Variants in CCDC149 observed in about 807,000 individuals in gnomAD.
CCDC149 encodes the protein coiled-coil domain containing 149.
Under a neutral mutation model 59.9 loss-of-function variants are expected in CCDC149, and 45 were observed. That is an observed-to-expected ratio of 0.75 (90% CI 0.59 to 0.96). The LOEUF is 0.96. CCDC149 is among the 40% of genes least tolerant of loss of function. The pLI, the probability that CCDC149 is intolerant of heterozygous loss-of-function variation, is 0.00. For missense variants in CCDC149, 584 were observed against 664.7 expected, an observed-to-expected ratio of 0.88 and a Z score of 1.33; for synonymous variants, 245 against 260.6, an observed-to-expected ratio of 0.94 and a Z score of 0.58.
rs61734397 is a variant in CCDC149, at chr4:24,808,725, T to C, written c.1287A>G (p.Pro429=). 1,938 of 1,552,230 alleles carry C rather than the reference T, an allele frequency of 1.2e-3. 2 individuals carry two copies. Among genetic ancestry groups the C allele is most frequent in the Non-Finnish European group, 1.1e-3 (1,263 of 1,147,108 alleles). ...ATTGGTTCCCGCGGCTCTGATTTGC[T>C]GGGGAGTTGACAGCGGGCCTCCCAG... Residue 429 remains proline, a synonymous_variant, in exon 13 of 13, where the codon CCA becomes CCG. Coordinates refer to ENST00000635206, the MANE Select transcript of CCDC149 (RefSeq NM_001330643.2).
chr4:24,863,270 C>T (rs916940791), intron 3 of CCDC149, among the ~76,000 whole-genome samples: 11 of 152,152 alleles, frequency 7.2e-5, no homozygotes, highest in African/African-American at 1.7e-4. Context: ...CCAGCCTGGG[C>T]GACAGAGCAA....
chr4:24,874,333 C>T (rs2109242342), intron 2 of CCDC149, among the ~76,000 whole-genome samples: 1 of 140,150 alleles, frequency 7.1e-6, no homozygotes, highest in East Asian at 2.1e-4. Context: ...GTAATCTCAG[C>T]ACTTTGGGAG....
chr4:24,931,969 C>T (rs1326035447), intron 1 of CCDC149, among the ~76,000 whole-genome samples: 1 of 151,558 alleles, frequency 6.6e-6, no homozygotes, highest in Non-Finnish European at 1.5e-5. Context: ...AGTAGCTACA[C>T]TTTTTGTGTC....
At chr4:24,803,613 G>T (rs941749244), downstream of CCDC149, among the ~76,000 whole-genome samples, 1 of 152,184 alleles carries the variant, frequency 6.6e-6, no homozygotes, top group Non-Finnish European at 1.5e-5. The surrounding 1 kb of genome is among the most constrained non-coding windows in gnomAD (Gnocchi z 4.3). Context: ...TTCTGCAAAT[G>T]AATAGAAGGT....
chr4:24,922,665 A>G (rs1282285916), intron 1 of CCDC149, among the ~76,000 whole-genome samples: 1 of 152,174 alleles, frequency 6.6e-6, no homozygotes, highest in Non-Finnish European at 1.5e-5. Flanking sequence ...CTATTCTCAA[A>G]TGATGAATCC....
At chr4:24,876,795 A>G in intron 1 of CCDC149, 98 bp from the exon 2 acceptor site, 1 of 1,282,356 alleles carries the variant, frequency 7.8e-7, no homozygotes, top group Non-Finnish European at 1.1e-6. Flanking sequence ...AATTTTTGCC[A>G]TTCTCATTTT....
At chr4:24,898,796 G>A (rs983301097) in intron 1 of CCDC149, among the ~76,000 whole-genome samples, 7 of 152,168 alleles carry the variant, frequency 4.6e-5, no homozygotes, top group African/African-American at 1.7e-4. Flanking sequence ...CCCAAGGGGA[G>A]TCTGTGACAT....
chr4:24,854,968 C>T (rs1251704553), intron 3 of CCDC149, among the ~76,000 whole-genome samples: 7 of 152,158 alleles, frequency 4.6e-5, no homozygotes, highest in Non-Finnish European at 8.8e-5. Flanking sequence ...AAACCTTCCC[C>T]GGTGCTACCT....
intron 1 of CCDC149, among the ~76,000 whole-genome samples, chr4:24,887,955 C>T (rs531233405): frequency 1.3e-5 from 2 of 152,350 alleles, no homozygotes; most frequent in South Asian, 4.1e-4. Context: ...TGCCCCCACA[C>T]TCAAGCTTCT....
intron 12 of CCDC149, among the ~76,000 whole-genome samples, chr4:24,812,631 A>G (rs944757501): frequency 2.5e-4 from 38 of 152,210 alleles, no homozygotes; most frequent in African/African-American, 8.2e-4. Flanking sequence ...CCTCTGTATT[A>G]GTCTGTTTTC....
Position 24,896,224 on chromosome 4 carries a change from C to T in CCDC149, c.63+16593G>A, listed in dbSNP as rs140649714. 4.5e-3 allele frequency among the ~76,000 whole-genome samples: 681 copies of T among 152,290 alleles called. 3 individuals carry two copies. The highest frequency in any genetic ancestry group is 0.016 in the African/African-American group (655 of 41,546). On this transcript the variant is annotated intron_variant, in intron 1 of 12. Transcript: ENST00000635206. The stretch of plus-strand genomic sequence containing the variant: ...CTTTGTTTATATAATGAGGTCATTA[C>T]CACCTGCTCAGTCTAATCCACAAGC...
intron 1 of CCDC149, among the ~76,000 whole-genome samples, chr4:24,971,399 G>A (rs28803854): frequency 0.028 from 4,202 of 152,286 alleles, 167 homozygotes; most frequent in African/African-American, 0.095. Context: ...AGTAAGCCAA[G>A]GCAGGCTTCC....
chr4:24,907,157 G>C (rs975590924), intron 1 of CCDC149, among the ~76,000 whole-genome samples: 2 of 152,174 alleles, frequency 1.3e-5, no homozygotes, highest in African/African-American at 4.8e-5. Context: ...TGAGGTTCAT[G>C]CTCACTGTTC....
intron 1 of CCDC149, among the ~76,000 whole-genome samples, chr4:24,928,968 G>A (rs1394697210): frequency 6.6e-6 from 1 of 152,156 alleles, no homozygotes; most frequent in East Asian, 1.9e-4. Flanking sequence ...CATCTGCCAG[G>A]TTGCTACAGT....
intron 1 of CCDC149, among the ~76,000 whole-genome samples, chr4:24,978,514 C>T (rs189852253): frequency 8.8e-4 from 134 of 152,094 alleles, no homozygotes; most frequent in African/African-American, 3.1e-3. Flanking sequence ...AGGGATGGTT[C>T]GTTGTTGGCG....
At chr4:24,930,455 T>C (rs13113895) in intron 1 of CCDC149, among the ~76,000 whole-genome samples, 53,078 of 152,128 alleles carry the variant, frequency 0.35, 10,098 homozygotes, top group African/African-American at 0.51. Flanking sequence ...GCAGCTAGGA[T>C]TACCTTAACC....
chr4:24,852,762 A>G (rs1029988251), intron 4 of CCDC149, among the ~76,000 whole-genome samples: 30 of 152,232 alleles, frequency 2.0e-4, no homozygotes, highest in African/African-American at 6.3e-4. Flanking sequence ...GGGCGAAAGT[A>G]TAACATTTGG....
intron 9 of CCDC149, chr4:24,831,291 T>C: frequency 1.8e-6 from 1 of 552,698 alleles, no homozygotes; most frequent in South Asian, 2.1e-5. Flanking sequence ...AAGCATTCAG[T>C]ATGGCTGGTA....
chr4:24,828,317 G>A (rs1006000313), intron 9 of CCDC149: 1 of 151,338 alleles, frequency 6.6e-6, no homozygotes, highest in African/African-American at 2.4e-5. Flanking sequence ...AAATATATGA[G>A]TATGTGTATA....
Sources: allele counts gnomAD v4.1 joint callset (sites outside exome capture counted in the v4.1 genomes callset), GRCh38; gene constraint gnomAD v4.1.1; non-coding constraint Gnocchi (gnomAD v3.1); transcripts MANE v1.5; gene names NCBI Gene and HGNC (gene_info 2026-07-23, HGNC 2026-07-21).